The following CHCHD6 variants were observed in gnomAD, a reference collection of about 807,000 sequenced individuals.
CHCHD6 encodes coiled-coil-helix-coiled-coil-helix domain containing 6.
Under a neutral mutation model 32.3 loss-of-function variants are expected in CHCHD6, and 28 were observed. The ratio of observed to expected loss-of-function variants is 0.87; its 90% CI spans 0.64 to 1.19. The LOEUF (loss-of-function observed/expected upper bound fraction) is 1.19. CHCHD6 is among the 50% of genes most tolerant of loss of function. The pLI is 0.00. For synonymous variants in CHCHD6, 122 were observed against 117.5 expected, an observed-to-expected ratio of 1.04 and a Z score of -0.25; for missense variants, 333 against 307.0, an observed-to-expected ratio of 1.08 and a Z score of -0.63.
At chr3:126,855,986 C>T (rs947504128) in intron 5 of CHCHD6, among the ~76,000 whole-genome samples, 1 of 152,172 alleles carries the variant, frequency 6.6e-6, no homozygotes, top group African/African-American at 2.4e-5. Context: ...ACTTAGCACT[C>T]TCCCTAACAG....
At chr3:126,933,246 G>A (rs1400831985) in intron 6 of CHCHD6, among the ~76,000 whole-genome samples, 1 of 152,136 alleles carries the variant, frequency 6.6e-6, no homozygotes, top group Non-Finnish European at 1.5e-5. Flanking sequence ...TTGTGCTGTA[G>A]GGGTCGTTTG....
intron 6 of CHCHD6, among the ~76,000 whole-genome samples, chr3:126,919,210 T>A (rs1041186415): frequency 2.0e-5 from 3 of 152,154 alleles, no homozygotes; most frequent in African/African-American, 7.2e-5. Flanking sequence ...TTAGGTTAAG[T>A]TGGTTAGTCA....
At chr3:126,795,812 C>G (rs1241695254) in intron 4 of CHCHD6, among the ~76,000 whole-genome samples, 2 of 152,144 alleles carry the variant, frequency 1.3e-5, no homozygotes, top group African/African-American at 4.8e-5. Context: ...TTTCCATCAC[C>G]TAGAGAGAAC....
intron 5 of CHCHD6, among the ~76,000 whole-genome samples, chr3:126,910,540 T>C (rs1264785469): frequency 6.6e-6 from 1 of 152,214 alleles, no homozygotes; most frequent in Non-Finnish European, 1.5e-5. Context: ...TCATTTCTGC[T>C]CATCCTTTAA....
intron 5 of CHCHD6, among the ~76,000 whole-genome samples, chr3:126,878,189 A>G (rs2077564644): frequency 6.6e-6 from 1 of 152,250 alleles, no homozygotes; most frequent in African/African-American, 2.4e-5. Context: ...AGGGTTTTAA[A>G]GAAGTCTATT....
At chr3:126,947,210 A>G (rs1043986110) in intron 6 of CHCHD6, among the ~76,000 whole-genome samples, 21 of 152,208 alleles carry the variant, frequency 1.4e-4, no homozygotes, top group Admixed American at 9.8e-4. Flanking sequence ...GGCTGGTCTC[A>G]TGACAGGACG....
intron 4 of CHCHD6, among the ~76,000 whole-genome samples, chr3:126,733,853 C>G (rs539188729): frequency 1.3e-5 from 2 of 152,260 alleles, no homozygotes; most frequent in African/African-American, 4.8e-5. Context: ...ATTTATTTTG[C>G]AACATGAGAA....
chr3:126,770,287 T>C (rs1937520345), intron 4 of CHCHD6, among the ~76,000 whole-genome samples: 2 of 152,338 alleles, frequency 1.3e-5, no homozygotes, highest in East Asian at 3.9e-4. Flanking sequence ...TAGGGATAAT[T>C]TGACTTCCTC....
chr3:126,931,414 C>T (rs769380143), intron 6 of CHCHD6, among the ~76,000 whole-genome samples: 4 of 152,190 alleles, frequency 2.6e-5, no homozygotes, highest in Non-Finnish European at 4.4e-5. Context: ...CAGAGCCGAC[C>T]CAGCCTCATC....
chr3:126,929,763 A>G (rs1388297818), intron 6 of CHCHD6, among the ~76,000 whole-genome samples: 1 of 151,954 alleles, frequency 6.6e-6, no homozygotes, highest in African/African-American at 2.4e-5. Context: ...ATGGGGTTTC[A>G]CCATTTTGGC....
At chr3:126,900,864 A>G (rs2077915739) in intron 5 of CHCHD6, among the ~76,000 whole-genome samples, 1 of 152,050 alleles carries the variant, frequency 6.6e-6, no homozygotes, top group Non-Finnish European at 1.5e-5. Context: ...TTGGCCTCCC[A>G]GAGTGCTGGG....
Position 126,864,931 on chromosome 3 carries a change from ACCT to A in CHCHD6, c.495+12210_495+12212del, listed in dbSNP as rs1322920856. ...CACCATCACCTTCTCCTCCACCATC[ACCT>A]CCTCCTCCACCATCATCTCCTCCTC... On this transcript the variant is annotated intron_variant, in intron 5 of 7. Coordinates refer to ENST00000290913, the MANE Select transcript of CHCHD6 (RefSeq NM_032343.3). Among the ~76,000 whole-genome samples the A allele has an allele frequency of 3.3e-4, 33 of 100,224 alleles. 2 individuals are homozygous for A. Among genetic ancestry groups the A allele is most frequent in the Admixed American group, 3.0e-3 (32 of 10,686 alleles). The allele number at this position is 100,224 out of a possible 152,430, so 65.8% of individuals were successfully genotyped here. A position where few individuals can be genotyped will look rare whatever the true frequency, so the allele number is the denominator to read the frequency against.
chr3:126,912,872 T>G (rs2078111409), intron 5 of CHCHD6, among the ~76,000 whole-genome samples: 1 of 152,222 alleles, frequency 6.6e-6, no homozygotes, highest in African/African-American at 2.4e-5. Flanking sequence ...CCCTATGGCC[T>G]TAGAGGTGGG....
intron 4 of CHCHD6, among the ~76,000 whole-genome samples, chr3:126,750,048 A>G (rs1936665543): frequency 6.6e-6 from 1 of 152,226 alleles, no homozygotes; most frequent in Non-Finnish European, 1.5e-5. Context: ...TGGTGCCTTC[A>G]GGGACCTCAA....
At chr3:126,744,829 C>G (rs181145721) in intron 4 of CHCHD6, among the ~76,000 whole-genome samples, 4 of 152,088 alleles carry the variant, frequency 2.6e-5, no homozygotes, top group African/African-American at 9.7e-5. Context: ...CTGGGACTAC[C>G]GGCGTGCACC....
chr3:126,930,816 G>A (rs557198211), intron 6 of CHCHD6, among the ~76,000 whole-genome samples: 1 of 152,282 alleles, frequency 6.6e-6, no homozygotes, highest in South Asian at 2.1e-4. Context: ...AAAACAAGAG[G>A]TGCTGTTTCA....
intron 5 of CHCHD6, among the ~76,000 whole-genome samples, chr3:126,863,810 T>C (rs1206800205): frequency 3.7e-5 from 3 of 80,096 alleles, no homozygotes; most frequent in Non-Finnish European, 5.0e-5. Context: ...TCTACCATCA[T>C]CACCACCTCC....
chr3:126,788,368 T>C (rs1364002689), intron 4 of CHCHD6, among the ~76,000 whole-genome samples: 1 of 152,242 alleles, frequency 6.6e-6, no homozygotes, highest in Non-Finnish European at 1.5e-5. Context: ...TTCCCTCTTT[T>C]TCTATTGATT....
chr3:126,858,776 C>T (rs969004211), intron 5 of CHCHD6, among the ~76,000 whole-genome samples: 1 of 152,228 alleles, frequency 6.6e-6, no homozygotes, highest in Non-Finnish European at 1.5e-5. Flanking sequence ...TGAGTACCTC[C>T]TCTTCTGACC....
Sources: allele counts gnomAD v4.1 joint callset (sites outside exome capture counted in the v4.1 genomes callset), GRCh38; gene constraint gnomAD v4.1.1; transcripts MANE v1.5; gene names NCBI Gene and HGNC (gene_info 2026-07-23, HGNC 2026-07-21).